PDE3B: variants seen among roughly 807,000 people sequenced by gnomAD.
The protein encoded by PDE3B is cGMP-inhibited 3',5'-cyclic phosphodiesterase 3B.
In PDE3B, 66 loss-of-function variants were observed where a neutral mutation model predicts 116.8. That is an observed-to-expected ratio of 0.56 (90% CI 0.46 to 0.69). The LOEUF (loss-of-function observed/expected upper bound fraction) is 0.69. PDE3B is among the 30% of genes least tolerant of loss of function. PDE3B has a pLI of 0.00. For synonymous variants in PDE3B, 595 were observed against 533.6 expected (o/e 1.12, Z -1.59); for missense variants, 1,384 against 1,368.1 (o/e 1.01, Z -0.18).
intron 7 of PDE3B, among the ~76,000 whole-genome samples, chr11:14,828,201 C>G (rs1300192596): frequency 6.6e-6 from 1 of 151,950 alleles, no homozygotes; most frequent in Admixed American, 6.6e-5. Flanking sequence ...ATGTAAAACC[C>G]AAAACTATAA....
intron 7 of PDE3B, among the ~76,000 whole-genome samples, chr11:14,830,128 G>A (rs1859828833): frequency 6.6e-6 from 1 of 152,014 alleles, no homozygotes. Flanking sequence ...GATAGGTTTT[G>A]GGTAATTTCC....
the PDE3B span, among the ~76,000 whole-genome samples, chr11:14,882,264 A>G: frequency 6.6e-6 from 1 of 152,150 alleles, no homozygotes; most frequent in Middle Eastern, 3.2e-3. Flanking sequence ...AAGACAGACA[A>G]AACAACAAAT....
intron 5 of PDE3B, among the ~76,000 whole-genome samples, chr11:14,817,622 G>C (rs1859375443): frequency 6.6e-6 from 1 of 151,978 alleles, no homozygotes; most frequent in Non-Finnish European, 1.5e-5. Context: ...ACGGTGGCCT[G>C]TGCCTGTAGT....
At chr11:14,708,864 G>A (rs555278742) in intron 1 of PDE3B, among the ~76,000 whole-genome samples, 1 of 152,102 alleles carries the variant, frequency 6.6e-6, no homozygotes, top group East Asian at 1.9e-4. Flanking sequence ...CTGGATAAAG[G>A]ACATATAGGA....
At chr11:14,885,375 CA>C in the PDE3B span, among the ~76,000 whole-genome samples, 1 of 151,976 alleles carries the variant, frequency 6.6e-6, no homozygotes, top group African/African-American at 2.4e-5. Context: ...GATTAGTAGT[CA>C]AAAAAGCTGC....
At chr11:14,825,728 G>A (rs932839981) in intron 7 of PDE3B, among the ~76,000 whole-genome samples, 1 of 152,126 alleles carries the variant, frequency 6.6e-6, no homozygotes, top group African/African-American at 2.4e-5. Flanking sequence ...AGGTCACTGA[G>A]GCAGAAAATT....
At chr11:14,765,086 G>A (rs559161786) in intron 1 of PDE3B, among the ~76,000 whole-genome samples, 1 of 151,880 alleles carries the variant, frequency 6.6e-6, no homozygotes, top group Non-Finnish European at 1.5e-5. Context: ...TAAGTTGGAA[G>A]GCATAGAAAA....
intron 1 of PDE3B, chr11:14,673,743 C>T: frequency 1.3e-6 from 1 of 769,576 alleles, no homozygotes; most frequent in Non-Finnish European, 2.4e-6. Context: ...CAACATTGCT[C>T]CAATTCGTAC....
At chr11:14,842,094 T>C (rs1847484541) in intron 11 of PDE3B, among the ~76,000 whole-genome samples, 1 of 152,180 alleles carries the variant, frequency 6.6e-6, no homozygotes, top group Non-Finnish European at 1.5e-5. Flanking sequence ...TTCAGTAGAT[T>C]TCTTGGGATT....
At chr11:14,813,534 C>T (rs1859219735) in intron 5 of PDE3B, among the ~76,000 whole-genome samples, 1 of 152,156 alleles carries the variant, frequency 6.6e-6, no homozygotes, top group African/African-American at 2.4e-5. Flanking sequence ...GACAAGAACC[C>T]TTGTCATTAC....
At chr11:14,673,300 G>T (rs1472556546) in intron 1 of PDE3B, among the ~76,000 whole-genome samples, 1 of 151,596 alleles carries the variant, frequency 6.6e-6, no homozygotes, top group Non-Finnish European at 1.5e-5. Flanking sequence ...CAAAGGAATA[G>T]AACCACCAAC....
intron 4 of PDE3B, among the ~76,000 whole-genome samples, chr11:14,801,062 T>C (rs1051015025): frequency 6.6e-6 from 1 of 152,160 alleles, no homozygotes; most frequent in Non-Finnish European, 1.5e-5. Context: ...CTGACCTTTT[T>C]TCAAGGTTCT....
At chr11:14,668,557 A>G (rs566286052) in intron 1 of PDE3B, among the ~76,000 whole-genome samples, 1 of 152,160 alleles carries the variant, frequency 6.6e-6, no homozygotes, top group African/African-American at 2.4e-5. Flanking sequence ...AAAAAATTTT[A>G]AGCATGAAGC....
At chr11:14,794,664 C>A (rs1858496051) in intron 4 of PDE3B, among the ~76,000 whole-genome samples, 1 of 152,132 alleles carries the variant, frequency 6.6e-6, no homozygotes, top group South Asian at 2.1e-4. Context: ...TCAGATCATA[C>A]TGGTTAAGGA....
At chr11:14,835,249 G>A (rs1860017896) in intron 11 of PDE3B, among the ~76,000 whole-genome samples, 154 bp downstream of exon 11, 1 of 152,054 alleles carries the variant, frequency 6.6e-6, no homozygotes, top group Non-Finnish European at 1.5e-5. Context: ...TTATCCCCAA[G>A]TTCTACTGTG....
rs747972927 is a variant in PDE3B at position 14,818,207 on chromosome 11, T to C, written c.1547T>C (p.Val516Ala). The C allele has an allele frequency of 6.2e-7, 1 of 1,613,068 alleles. No individual in the cohort carries two copies. The highest frequency in any genetic ancestry group is 1.1e-5 in the South Asian group (1 of 91,056). Residue 516 changes from valine (V) to alanine (A), a missense_variant, in exon 6 of 16, where the codon GTG becomes GCG. Physicochemically the swap from Val to Ala is moderately conservative, Grantham distance 64. Coordinates refer to ENST00000282096, the MANE Select transcript of PDE3B (RefSeq NM_000922.4). ...RAGVLSSLSP[V>A]NSSNHGPVST... Reference sequence around the variant, plus strand: ...GGTGTTTTGTCCAGTCTGAGTCCTGTGAATTCTTCCAACCATGGACCAGTG... The same window carrying C: ...GGTGTTTTGTCCAGTCTGAGTCCTGCGAATTCTTCCAACCATGGACCAGTG...
At chr11:14,700,311 T>C (rs1452072496) in intron 1 of PDE3B, among the ~76,000 whole-genome samples, 1 of 151,800 alleles carries the variant, frequency 6.6e-6, no homozygotes, top group African/African-American at 2.4e-5. Flanking sequence ...AATATTTGGA[T>C]GATCAGTATA....
At chr11:14,703,592 T>TTA (rs1422692442) in intron 1 of PDE3B, among the ~76,000 whole-genome samples, 5 of 151,928 alleles carry the variant, frequency 3.3e-5, no homozygotes, top group Non-Finnish European at 5.9e-5. Context: ...TCTTAGCATA[T>TTA]TATAATGTTC....
intron 5 of PDE3B, among the ~76,000 whole-genome samples, chr11:14,814,849 CTACT>C (rs1295725798): frequency 2.6e-5 from 4 of 152,014 alleles, no homozygotes; most frequent in Admixed American, 1.3e-4. Flanking sequence ...GTAGTCCCAG[CTACT>C]TGGGAAAGCT....
Sources: gnomAD v4.1 joint callset for allele counts (sites outside exome capture counted in the v4.1 genomes callset) on GRCh38, gnomAD v4.1.1 for gene constraint, MANE v1.5 for transcripts, NCBI Gene and HGNC (gene_info 2026-07-23, HGNC 2026-07-21) for gene names.